Variants in SAMSN1 observed in about 807,000 individuals in gnomAD.
The protein encoded by SAMSN1 is SAM domain, SH3 domain and nuclear localization signals 1.
In SAMSN1, 31 loss-of-function variants were observed where a neutral mutation model predicts 42.0. The ratio of observed to expected loss-of-function variants is 0.74; its 90% CI spans 0.55 to 1.00. SAMSN1 has a LOEUF of 1.00. Among genes scored for constraint, SAMSN1 ranks in the 50% least tolerant of loss-of-function variants. The pLI is 0.00. For missense variants in SAMSN1, 464 were observed against 439.4 expected (o/e 1.06, Z -0.50); for synonymous variants, 178 against 151.9 (o/e 1.17, Z -1.26).
intron 2 of SAMSN1, among the ~76,000 whole-genome samples, chr21:14,618,374 G>T (rs1433590613): frequency 6.6e-6 from 1 of 152,160 alleles, no homozygotes; most frequent in African/African-American, 2.4e-5. Flanking sequence ...GAGGAAGAGG[G>T]ATTACTTAAA....
chr21:14,601,309 C>T (rs1342772174), intron 6 of SAMSN1, among the ~76,000 whole-genome samples: 1 of 152,154 alleles, frequency 6.6e-6, no homozygotes, highest in African/African-American at 2.4e-5. Context: ...TATTGGAGGG[C>T]CTCCAATAGC....
At chr21:14,654,666 G>C (rs946039897) in intron 1 of SAMSN1, among the ~76,000 whole-genome samples, 1 of 151,872 alleles carries the variant, frequency 6.6e-6, no homozygotes, top group African/African-American at 2.4e-5. Context: ...TTAACAACAC[G>C]GCCAGCAAAA....
rs188131251 is a variant in SAMSN1 at position 14,605,852 on chromosome 21, A to T, written c.322+3630T>A. Among the ~76,000 whole-genome samples the T allele has an allele frequency of 6.9e-3, 1,001 of 144,976 alleles. 9 individuals carry two copies. Among genetic ancestry groups the T allele is most frequent in the African/African-American group, 0.019 (744 of 39,470 alleles). ...TATTTATTTATTTATTTATTTATTT[A>T]TTTTTTTGAGATGGAGTCTCACTCT... On this transcript the variant is annotated intron_variant, in intron 5 of 15. Transcript: ENST00000647101.
intron 2 of SAMSN1, among the ~76,000 whole-genome samples, chr21:14,626,686 A>G (rs1265817158): frequency 6.6e-6 from 1 of 152,270 alleles, no homozygotes; most frequent in Non-Finnish European, 1.5e-5. Context: ...GTGGGACTGT[A>G]AACTAGTTCA....
upstream of SAMSN1, chr21:14,585,322 T>G (rs1981885715): frequency 6.6e-6 from 1 of 152,236 alleles, no homozygotes; most frequent in South Asian, 2.1e-4. Flanking sequence ...CCATTTTTTC[T>G]TTGTTGTGCT....
chr21:14,527,194 C>G (rs1429305409), intron 1 of SAMSN1, among the ~76,000 whole-genome samples: 1 of 152,176 alleles, frequency 6.6e-6, no homozygotes, highest in Non-Finnish European at 1.5e-5. Context: ...TCAGCACATC[C>G]TTATATGAAT....
intron 1 of SAMSN1, among the ~76,000 whole-genome samples, chr21:14,522,037 T>C (rs991378883): frequency 2.6e-5 from 4 of 152,194 alleles, no homozygotes; most frequent in Non-Finnish European, 5.9e-5. Context: ...GTATGCACAG[T>C]CCAAGGTTGG....
chr21:14,582,286 C>T lies in SAMSN1; in HGVS notation c.111G>A (p.Trp37Ter), dbSNP rs1328552974. 9 of 1,550,642 alleles carry T rather than the reference C, an allele frequency of 5.8e-6. No homozygotes were observed. Among genetic ancestry groups the T allele is most frequent in the Non-Finnish European group, 4.4e-6 (5 of 1,147,008 alleles). Residue 37 changes from tryptophan (W) to a stop codon, truncating the protein, a stop_gained, in exon 2 of 9, where the codon TGG becomes TGA. Transcript: ENST00000285670. LOFTEE classifies it high-confidence loss of function. ...TTTCAGGAAAAGGCTTCCAGTGATG[C>T]CACATGTAAGCTTCACCTTCATACC...
At chr21:14,504,558 A>G (rs1279558394) in intron 5 of SAMSN1, among the ~76,000 whole-genome samples, 1 of 152,204 alleles carries the variant, frequency 6.6e-6, no homozygotes, top group African/African-American at 2.4e-5. Flanking sequence ...AAGACAAAGA[A>G]AAAGAATAAG....
intron 1 of SAMSN1, among the ~76,000 whole-genome samples, chr21:14,643,298 TAA>T (rs1983639161): frequency 6.6e-6 from 1 of 152,180 alleles, no homozygotes; most frequent in Non-Finnish European, 1.5e-5. Flanking sequence ...AACAATACAG[TAA>T]AGCCAGGAAT....
upstream of SAMSN1, among the ~76,000 whole-genome samples, chr21:14,550,669 G>A (rs755581363): frequency 3.7e-4 from 56 of 152,154 alleles, no homozygotes; most frequent in South Asian, 1.7e-3. Flanking sequence ...ACAAGGATGA[G>A]GTGATGCCCA....
At chr21:14,625,485 C>T (rs927327097) in intron 2 of SAMSN1, among the ~76,000 whole-genome samples, 7 of 152,154 alleles carry the variant, frequency 4.6e-5, no homozygotes, top group African/African-American at 1.4e-4. Flanking sequence ...ACACTAATAA[C>T]AGACAAACAG....
intron 1 of SAMSN1, among the ~76,000 whole-genome samples, chr21:14,534,023 T>C (rs1979434352): frequency 6.6e-6 from 1 of 152,212 alleles, no homozygotes; most frequent in African/African-American, 2.4e-5. Flanking sequence ...GCAACACCCT[T>C]TTGCTAATAC....
intron 3 of SAMSN1, among the ~76,000 whole-genome samples, chr21:14,513,831 G>A (rs1987792758): frequency 6.6e-6 from 1 of 152,214 alleles, no homozygotes; most frequent in East Asian, 1.9e-4. Context: ...ATCTTGGGTT[G>A]TGCAGGGAAA....
intron 2 of SAMSN1, among the ~76,000 whole-genome samples, chr21:14,617,413 C>A (rs926603043): frequency 2.6e-5 from 4 of 152,192 alleles, no homozygotes; most frequent in Non-Finnish European, 5.9e-5. Context: ...CAATCAGTAG[C>A]CACTCACATT....
chr21:14,493,202 C>A (rs1361019442), intron 7 of SAMSN1, among the ~76,000 whole-genome samples: 1 of 152,212 alleles, frequency 6.6e-6, no homozygotes, highest in Non-Finnish European at 1.5e-5. Flanking sequence ...AACATTCTGG[C>A]ACACAACCCA....
At chr21:14,524,732 A>G (rs1978726901) in intron 1 of SAMSN1, among the ~76,000 whole-genome samples, 1 of 152,194 alleles carries the variant, frequency 6.6e-6, no homozygotes, top group Non-Finnish European at 1.5e-5. Context: ...TGATTGAATA[A>G]TATATGGTAC....
intron 2 of SAMSN1, among the ~76,000 whole-genome samples, chr21:14,577,257 TATATATATATATATATATATATA>T (rs1568816061): frequency 0.024 from 1,043 of 42,950 alleles, 144 homozygotes; most frequent in African/African-American, 0.13. Flanking sequence ...TATATATATA[TATATATATATATATATATATATA>T]TATATTTTTT....
upstream of SAMSN1, chr21:14,583,526 A>G: frequency 3.4e-6 from 2 of 595,180 alleles, no homozygotes; most frequent in Non-Finnish European, 6.0e-6. Flanking sequence ...ATAACTTGGC[A>G]ATAAAAAAAA....
Sources: gnomAD v4.1 joint callset for allele counts (sites outside exome capture counted in the v4.1 genomes callset) on GRCh38, gnomAD v4.1.1 for gene constraint, MANE v1.5 for transcripts, NCBI Gene and HGNC (gene_info 2026-07-23, HGNC 2026-07-21) for gene names.